NCALD: variants seen among roughly 807,000 people sequenced by gnomAD.
NCALD encodes the protein neurocalcin-delta.
Under a neutral mutation model 18.6 loss-of-function variants are expected in NCALD, and 10 were observed. The ratio of observed to expected loss-of-function variants is 0.54; its 90% CI spans 0.33 to 0.91. NCALD has a LOEUF of 0.91. Ranked by LOEUF, NCALD falls within the 40% of genes least tolerant of loss-of-function variation. The pLI is 0.03. For missense variants in NCALD, 184 were observed against 247.6 expected (o/e 0.74, Z 1.72); for synonymous variants, 88 against 87.4 (o/e 1.01, Z -0.04).
chr8:101,869,656 G>A (rs542405731), intron 4 of NCALD, among the ~76,000 whole-genome samples: 34 of 152,176 alleles, frequency 2.2e-4, no homozygotes, highest in African/African-American at 6.0e-4. Context: ...CTCTTGCCTC[G>A]GGCACCCTAA....
At chr8:101,816,769 C>A (rs2131167984) in intron 4 of NCALD, among the ~76,000 whole-genome samples, 1 of 152,212 alleles carries the variant, frequency 6.6e-6, no homozygotes, top group Middle Eastern at 3.4e-3. Flanking sequence ...ATGTACAACA[C>A]CAGGGGTGAA....
intron 2 of NCALD, among the ~76,000 whole-genome samples, chr8:101,997,635 A>T (rs752337722): frequency 6.6e-6 from 1 of 151,748 alleles, no homozygotes; most frequent in East Asian, 1.9e-4. Context: ...CTCACTAAAA[A>T]CTCCCTGCTA....
upstream of NCALD, among the ~76,000 whole-genome samples, chr8:101,793,403 C>T (rs1379405090): frequency 1.3e-5 from 2 of 151,356 alleles, no homozygotes; most frequent in Non-Finnish European, 2.9e-5. Flanking sequence ...AAAGTGGGTG[C>T]ATGTAGCCCT....
intron 4 of NCALD, among the ~76,000 whole-genome samples, chr8:101,850,578 A>G (rs914893543): frequency 6.6e-6 from 1 of 152,194 alleles, no homozygotes; most frequent in Admixed American, 6.6e-5. Flanking sequence ...TAAAACAAAA[A>G]CAATGATAAA....
intron 2 of NCALD, among the ~76,000 whole-genome samples, chr8:101,922,682 C>T (rs1436150484): frequency 2.0e-5 from 3 of 152,096 alleles, no homozygotes; most frequent in African/African-American, 7.2e-5. Flanking sequence ...TACAGTTGTG[C>T]CCTATTATCC....
rs1029248558 is a variant in NCALD, at chr8:101,702,869, G to T, written c.379-9973C>A. Among the ~76,000 whole-genome samples, 2 of 152,202 alleles carry T rather than the reference G, an allele frequency of 1.3e-5. 1 individual carries two copies. Among genetic ancestry groups the T allele is most frequent in the South Asian group, 4.1e-4 (2 of 4,834 alleles). ...TTCCAAGATGTGTTAAGATCAGAGA[G>T]ATCCCATCATCAAAACAGTATTGGG... On this transcript the variant is annotated intron_variant, in intron 2 of 3. Transcript: ENST00000220931.
At chr8:101,690,716 T>C in intron 3 of NCALD, 1 of 985,436 alleles carries the variant, frequency 1.0e-6, no homozygotes, top group Non-Finnish European at 1.2e-6. Context: ...TATTTTTAAT[T>C]TGTAGAGCTG....
intron 2 of NCALD, among the ~76,000 whole-genome samples, chr8:101,983,624 C>T (rs1264269782): frequency 1.3e-5 from 2 of 152,166 alleles, no homozygotes; most frequent in East Asian, 1.9e-4. Context: ...GGATACTTTC[C>T]GCTGGCTCCT....
intron 4 of NCALD, among the ~76,000 whole-genome samples, chr8:101,827,970 T>C (rs117829008): frequency 0.015 from 2,349 of 152,330 alleles, 90 homozygotes; most frequent in East Asian, 0.12. Flanking sequence ...GGCATTGTGG[T>C]AGGTGCTGGG....
chr8:101,816,824 G>C (rs996359863), intron 4 of NCALD, among the ~76,000 whole-genome samples: 1 of 152,246 alleles, frequency 6.6e-6, no homozygotes, highest in Non-Finnish European at 1.5e-5. Context: ...TGTCAAAGTA[G>C]GTTCATCAGT....
At chr8:102,084,368 G>A (rs1824662240) in intron 1 of NCALD, among the ~76,000 whole-genome samples, 1 of 152,192 alleles carries the variant, frequency 6.6e-6, no homozygotes, top group South Asian at 2.1e-4. Flanking sequence ...AGAGACTGGG[G>A]CAAGTTTTAG....
chr8:102,110,886 T>C (rs1177135024), intron 1 of NCALD, among the ~76,000 whole-genome samples: 3 of 152,134 alleles, frequency 2.0e-5, no homozygotes, highest in African/African-American at 7.2e-5. Context: ...ATCCATTCAA[T>C]GAAATATTAC....
rs1385873735 is a variant in NCALD at position 101,690,297 on chromosome 8, G to A, written c.485-891C>T. On this transcript the variant is annotated intron_variant, in intron 3 of 3. Coordinates refer to ENST00000220931, the MANE Select transcript of NCALD (RefSeq NM_032041.3). The stretch of plus-strand genomic sequence containing the variant: ...CTCTTTGTCTACCCCGCCCCTGGGA[G>A]TGAAGTGACATGCTCGATTGGTAAA... The A allele has an allele frequency of 2.3e-5, 23 of 985,182 alleles. No homozygotes were observed. In the Admixed American group the frequency reaches 1.2e-3, roughly 53 times the overall value. The allele number at this position is 985,182 out of a possible 1,614,324, so 61.0% of individuals were successfully genotyped here.
chr8:101,690,955 C>G, intron 3 of NCALD: 1 of 985,466 alleles, frequency 1.0e-6, no homozygotes, highest in Non-Finnish European at 1.2e-6. Context: ...CTTCACTTAA[C>G]TGTCTGCATG....
intron 3 of NCALD, among the ~76,000 whole-genome samples, chr8:101,888,958 T>A (rs2131497052): frequency 6.6e-6 from 1 of 152,220 alleles, no homozygotes; most frequent in East Asian, 1.9e-4. Context: ...GAATCTTGAT[T>A]TTGTCCAGGG....
rs760600155 is a variant in NCALD at position 101,689,014 on chromosome 8, G to A, written c.*295C>T. ...TTTTGCCCCAACCCCCGAGTCTTAC[G>A]TTTTAGAACAGAGACATTAGAATAA... On this transcript the variant is annotated 3_prime_UTR_variant, in exon 4 of 4. Coordinates refer to ENST00000220931, the MANE Select transcript of NCALD (RefSeq NM_032041.3). This position sits in a 1 kb window ranked among gnomAD's most constrained non-coding sequence, Gnocchi z 4.4. 9 of 697,372 alleles carry A rather than the reference G, an allele frequency of 1.3e-5. No individual in the cohort carries two copies. The highest frequency in any genetic ancestry group is 2.3e-4 in the Middle Eastern group (1 of 4,326). The allele number at this position is 697,372 out of a possible 1,614,324, so 43.2% of individuals were successfully genotyped here. A position where few individuals can be genotyped will look rare whatever the true frequency, so the allele number is the denominator to read the frequency against.
chr8:101,738,790 C>T (rs1810049156), intron 1 of NCALD, among the ~76,000 whole-genome samples: 2 of 152,152 alleles, frequency 1.3e-5, no homozygotes, highest in African/African-American at 4.8e-5. Flanking sequence ...GTTTCCTCAA[C>T]TGATGCATCG....
chr8:102,122,304 G>A (rs1189777049), intron 1 of NCALD, among the ~76,000 whole-genome samples: 1 of 152,182 alleles, frequency 6.6e-6, no homozygotes, highest in African/African-American at 2.4e-5. Context: ...AGAAGGGTGG[G>A]ACCGTGAAAG....
intron 1 of NCALD, among the ~76,000 whole-genome samples, chr8:102,031,952 G>C: frequency 6.6e-6 from 1 of 152,146 alleles, no homozygotes; most frequent in Non-Finnish European, 1.5e-5. Context: ...TAGAGTACTA[G>C]AGTTTTGGAG....
Sources: allele counts gnomAD v4.1 joint callset (sites outside exome capture counted in the v4.1 genomes callset), GRCh38; gene constraint gnomAD v4.1.1; non-coding constraint Gnocchi (gnomAD v3.1); transcripts MANE v1.5; gene names NCBI Gene and HGNC (gene_info 2026-07-23, HGNC 2026-07-21).